KDM6A: variants seen among roughly 807,000 people sequenced by gnomAD.
KDM6A encodes the protein lysine demethylase 6A, also known as lysine-specific demethylase 6A.
In KDM6A, 11 loss-of-function variants were observed where a neutral mutation model predicts 117.6. The ratio of observed to expected loss-of-function variants is 0.09; its 90% CI spans 0.06 to 0.15. KDM6A has a LOEUF of 0.15. KDM6A is among the 10% of genes least tolerant of loss of function. The pLI is 1.00. For synonymous variants in KDM6A, 384 were observed against 396.1 expected (o/e 0.97, Z 0.36); for missense variants, 799 against 1,077.3 (o/e 0.74, Z 3.62).
At chrX:44,965,618 T>G (rs2038968540) in intron 3 of KDM6A, among the ~76,000 whole-genome samples, 1 of 111,949 alleles carries the variant, frequency 8.9e-6, no homozygotes, top group African/African-American at 3.2e-5. Flanking sequence ...GCAACAGTTA[T>G]CGATTGTTTA....
chrX:44,973,152 A>G (rs1036854725), intron 3 of KDM6A, among the ~76,000 whole-genome samples: 16 of 111,892 alleles, frequency 1.4e-4, no homozygotes, highest in Non-Finnish European at 2.4e-4. Context: ...GTCAAAAAAA[A>G]GCCAAGCCCA....
At chrX:44,906,479 A>G (rs948242887) in intron 2 of KDM6A, among the ~76,000 whole-genome samples, 1 of 110,065 alleles carries the variant, frequency 9.1e-6, no homozygotes, top group Non-Finnish European at 1.9e-5. Context: ...TTTTTATTTC[A>G]AGACCCTTAA....
chrX:44,907,848 G>C (rs1289198846), intron 2 of KDM6A, among the ~76,000 whole-genome samples: 1 of 105,889 alleles, frequency 9.4e-6, no homozygotes, highest in African/African-American at 3.5e-5. Flanking sequence ...GGCATTCTGG[G>C]ACTTTCACTC....
At chrX:44,892,063 T>C (rs2033409405) in intron 2 of KDM6A, among the ~76,000 whole-genome samples, 1 of 112,397 alleles carries the variant, frequency 8.9e-6, no homozygotes, top group African/African-American at 3.2e-5. Context: ...ATTTTGCTTC[T>C]AAGAGAAGTT....
chrX:45,058,950 G>C, intron 10 of KDM6A, 56 bp from the exon 11 acceptor site: 1 of 1,036,591 alleles, frequency 9.6e-7, no homozygotes, highest in Non-Finnish European at 1.3e-6. Context: ...CGATTAATTT[G>C]TTTCAGTATT....
chrX:44,977,004 T>A (rs2039646846), intron 4 of KDM6A, among the ~76,000 whole-genome samples: 1 of 111,543 alleles, frequency 9.0e-6, no homozygotes, highest in Non-Finnish European at 1.9e-5. Context: ...AATTATCTAA[T>A]TTTTGAGTGT....
chrX:44,890,007 G>T (rs1207726341), intron 2 of KDM6A, among the ~76,000 whole-genome samples: 1 of 111,956 alleles, frequency 8.9e-6, no homozygotes, highest in African/African-American at 3.2e-5. Context: ...ATAGTCAAGG[G>T]ACAGAGAAGT....
intron 27 of KDM6A, among the ~76,000 whole-genome samples, chrX:45,105,996 C>G (rs1336187252): frequency 9.0e-6 from 1 of 111,550 alleles, no homozygotes; most frequent in Non-Finnish European, 1.9e-5. Flanking sequence ...CAATTTCATC[C>G]CAAAACCATT....
At chrX:45,011,740 G>A (rs937286050) in intron 5 of KDM6A, among the ~76,000 whole-genome samples, 2 of 110,294 alleles carry the variant, frequency 1.8e-5, no homozygotes, top group Non-Finnish European at 3.8e-5. Flanking sequence ...ACTTCTCTAG[G>A]TCTGTTTCCT....
intron 8 of KDM6A, among the ~76,000 whole-genome samples, chrX:45,040,500 A>G (rs1173505439): frequency 3.6e-5 from 2 of 55,008 alleles, no homozygotes; most frequent in African/African-American, 7.1e-5. Context: ...CGGGGGGCTG[A>G]CCCCCCCACC....
chrX:44,897,601 A>G (rs995419002), intron 2 of KDM6A, among the ~76,000 whole-genome samples: 1 of 111,006 alleles, frequency 9.0e-6, no homozygotes, highest in African/African-American at 3.3e-5. Context: ...CAGGGTCGTG[A>G]TCAGTCATCC....
At chrX:44,895,258 A>G (rs1264338338) in intron 2 of KDM6A, among the ~76,000 whole-genome samples, 2 of 107,848 alleles carry the variant, frequency 1.9e-5, no homozygotes, top group Non-Finnish European at 3.8e-5. Flanking sequence ...GGTGCCTGCC[A>G]CCACGCCTGG....
intron 5 of KDM6A, among the ~76,000 whole-genome samples, chrX:45,020,041 G>C (rs2147658155): frequency 9.0e-6 from 1 of 111,475 alleles, no homozygotes; most frequent in African/African-American, 3.3e-5. Flanking sequence ...TAGAGTTTTG[G>C]AGTAAGGATG....
chrX:45,107,012 C>G (rs2046554891), intron 27 of KDM6A: 1 of 181,553 alleles, frequency 5.5e-6, no homozygotes, highest in Admixed American at 7.3e-5. Context: ...TCCTGCCTTA[C>G]TAGAATCATA....
intron 2 of KDM6A, among the ~76,000 whole-genome samples, chrX:44,917,126 A>G (rs1284777367): frequency 2.8e-5 from 3 of 108,706 alleles, no homozygotes; most frequent in African/African-American, 1.0e-4. Context: ...CCCAGGTTCA[A>G]GCGATTCTCC....
At chrX:45,042,674 TACATA>T (rs2043327279) in intron 8 of KDM6A, among the ~76,000 whole-genome samples, 1 of 106,563 alleles carries the variant, frequency 9.4e-6, no homozygotes, top group African/African-American at 3.7e-5. Context: ...CCCACTTCTC[TACATA>T]GGAAGAAGTT....
In KDM6A at chrX:45,037,685, C is replaced by T; in HGVS notation, c.650C>T (p.Thr217Ile). The change falls in exon 8 of 30, where the codon ACC becomes ATC. Residue 217 changes from threonine to isoleucine, a missense_variant. By Grantham distance (89) the Thr-to-Ile change is moderately conservative. This residue lies in a region of KDM6A where 63 missense variants were observed against 68.2 expected (regional missense o/e 0.92). Transcript: ENST00000611820. ...IQFHIAHLYE[T>I]QRKYHSAKEA... ...TTTCACATTGCCCACTTATATGAAA[C>T]CCAGGTAAGTATTTTAACTTATTCT... 1 of 1,193,847 alleles carries T rather than the reference C, an allele frequency of 8.4e-7. No individual in the cohort carries two copies. The highest frequency in any genetic ancestry group is 1.7e-5 in the African/African-American group (1 of 57,379).
chrX:44,903,375 G>T (rs1278538277), intron 2 of KDM6A, among the ~76,000 whole-genome samples: 2 of 112,009 alleles, frequency 1.8e-5, no homozygotes, highest in Non-Finnish European at 3.8e-5. Flanking sequence ...GTGTTTTCAA[G>T]ATTCTGTCAT....
chrX:45,087,014 G>A lies in KDM6A; in HGVS notation c.3704+1035G>A, dbSNP rs1490871905. Among the ~76,000 whole-genome samples, 6 of 112,370 alleles carry A rather than the reference G, an allele frequency of 5.3e-5. No individual in the cohort carries two copies. In the East Asian group the frequency reaches 8.4e-4, roughly 16 times the overall value. ...TTTTTATTTTTTCCTTTTTTAAGAC[G>A]GAGTCTTGCTCTGTTGCCCAGGCTG... On this transcript the variant is annotated intron_variant, in intron 25 of 29. Transcript: ENST00000611820.
Sources: allele counts gnomAD v4.1 joint callset (sites outside exome capture counted in the v4.1 genomes callset), GRCh38; gene constraint gnomAD v4.1.1; regional missense constraint gnomAD v4.1.1; transcripts MANE v1.5; gene names NCBI Gene and HGNC (gene_info 2026-07-23, HGNC 2026-07-21).